Variants in ZBTB20 observed in about 807,000 individuals in gnomAD.
ZBTB20 encodes zinc finger and BTB domain containing 20.
A neutral mutation model predicts 56.9 loss-of-function variants in ZBTB20; 9 were observed. The observed-to-expected ratio is 0.16, with a 90% CI of 0.10 to 0.28. The LOEUF (loss-of-function observed/expected upper bound fraction) is 0.28. ZBTB20 is among the 10% of genes least tolerant of loss of function. The probability of loss-of-function intolerance (pLI) is 1.00; values close to 1 mark genes in which losing one functional copy is unlikely to be tolerated. For synonymous variants in ZBTB20, 417 were observed against 420.7 expected (o/e 0.99, Z 0.11); for missense variants, 655 against 1,003.0 (o/e 0.65, Z 4.69).
chr3:114,643,991 T>G (rs1347869988), intron 6 of ZBTB20, among the ~76,000 whole-genome samples: 1 of 152,018 alleles, frequency 6.6e-6, no homozygotes, highest in African/African-American at 2.4e-5. Context: ...CTTTAACTAT[T>G]TTTTGAGTGC....
chr3:114,361,434 A>C (rs192880458), intron 10 of ZBTB20, among the ~76,000 whole-genome samples: 1 of 152,216 alleles, frequency 6.6e-6, no homozygotes, highest in African/African-American at 2.4e-5. Context: ...TAAGACATTC[A>C]TTTTTGGCTT....
At chr3:114,743,268 T>C (rs1321354610) in intron 5 of ZBTB20, among the ~76,000 whole-genome samples, 1 of 152,066 alleles carries the variant, frequency 6.6e-6, no homozygotes, top group African/African-American at 2.4e-5. Flanking sequence ...CTCCTCTCCT[T>C]TCACAAATGC....
intron 7 of ZBTB20, among the ~76,000 whole-genome samples, chr3:114,450,091 A>G (rs2091510118): frequency 6.6e-6 from 1 of 152,204 alleles, no homozygotes; most frequent in Admixed American, 6.5e-5. Context: ...AAAGGTGTCC[A>G]GGTCTAAACT....
chr3:114,680,274 T>C (rs1286245708), intron 6 of ZBTB20, among the ~76,000 whole-genome samples: 1 of 152,172 alleles, frequency 6.6e-6, no homozygotes, highest in Non-Finnish European at 1.5e-5. Context: ...CCCCAGAACT[T>C]AAAGTATAAC....
At chr3:114,846,446 G>A (rs959703663) in intron 4 of ZBTB20, among the ~76,000 whole-genome samples, 1 of 152,200 alleles carries the variant, frequency 6.6e-6, no homozygotes, top group African/African-American at 2.4e-5. Flanking sequence ...AGGGAGAAAT[G>A]AGAGCTCTCC....
intron 8 of ZBTB20, among the ~76,000 whole-genome samples, chr3:114,384,110 C>CTT (rs2084753053): frequency 6.7e-6 from 1 of 150,096 alleles, no homozygotes. Context: ...TTCTCTCTCT[C>CTT]TCTCTCTCTC....
At chr3:115,081,956 G>GTTT (rs2082812352) in intron 1 of ZBTB20, among the ~76,000 whole-genome samples, 1 of 152,142 alleles carries the variant, frequency 6.6e-6, no homozygotes, top group African/African-American at 2.4e-5. Flanking sequence ...GGAACGTATA[G>GTTT]ATAGCATCTA....
At chr3:115,116,428 G>A (rs1351199461) in intron 1 of ZBTB20, among the ~76,000 whole-genome samples, 2 of 151,874 alleles carry the variant, frequency 1.3e-5, no homozygotes, top group African/African-American at 4.8e-5. Flanking sequence ...CTACAGTATG[G>A]GCTTTGGACT....
At chr3:114,966,660 T>C (rs1251276845) in intron 3 of ZBTB20, among the ~76,000 whole-genome samples, 1 of 152,024 alleles carries the variant, frequency 6.6e-6, no homozygotes, top group African/African-American at 2.4e-5. Context: ...TAAAATGGTA[T>C]GTCCAGTATA....
chr3:114,970,231 A>G (rs957735801), intron 3 of ZBTB20, among the ~76,000 whole-genome samples: 1 of 152,170 alleles, frequency 6.6e-6, no homozygotes, highest in Admixed American at 6.5e-5. Flanking sequence ...GAAATTCACT[A>G]ATTAGTTGTG....
chr3:114,426,443 T>C (rs1403538228), intron 7 of ZBTB20, among the ~76,000 whole-genome samples: 1 of 151,866 alleles, frequency 6.6e-6, no homozygotes, highest in Non-Finnish European at 1.5e-5. Flanking sequence ...TCCAGTGGCT[T>C]TCTACCCTAC....
chr3:114,722,588 G>T (rs2064990901), intron 5 of ZBTB20, among the ~76,000 whole-genome samples: 1 of 152,140 alleles, frequency 6.6e-6, no homozygotes, highest in Non-Finnish European at 1.5e-5. Context: ...CAGCCAGTGG[G>T]ATACATATTA....
At chr3:115,089,446 T>C (rs1158409820) in intron 1 of ZBTB20, among the ~76,000 whole-genome samples, 1 of 151,846 alleles carries the variant, frequency 6.6e-6, no homozygotes, top group Non-Finnish European at 1.5e-5. Flanking sequence ...CCATGAATTC[T>C]ACATCCAGCT....
intron 3 of ZBTB20, among the ~76,000 whole-genome samples, chr3:114,952,091 T>G (rs2077085312): frequency 6.6e-6 from 1 of 152,084 alleles, no homozygotes; most frequent in African/African-American, 2.4e-5. Flanking sequence ...AAGTCTAGCA[T>G]TCATGTCATT....
rs758365319 is a variant in ZBTB20, at chr3:114,323,494, T to C, written c.*15511A>G. The C allele has an allele frequency of 6.6e-6, 1 of 152,212 alleles. No homozygotes were observed. Among genetic ancestry groups the C allele is most frequent in the Non-Finnish European group, 1.5e-5 (1 of 68,058 alleles). The allele number at this position is 152,212 out of a possible 1,614,324, so 9.4% of individuals were successfully genotyped here. A position where few individuals can be genotyped will look rare whatever the true frequency, so the allele number is the denominator to read the frequency against. On this transcript the variant is annotated 3_prime_UTR_variant, in exon 12 of 12. Coordinates refer to ENST00000675478, the MANE Select transcript of ZBTB20 (RefSeq NM_001348800.3). ...TAATCAGGCTGAAAAGTAATTCCAA[T>C]ATGGACAAGGCTATGTGTTTTTGAA...
At chr3:114,883,321 C>T (rs1428736413) in intron 4 of ZBTB20, among the ~76,000 whole-genome samples, 1 of 152,048 alleles carries the variant, frequency 6.6e-6, no homozygotes, top group Non-Finnish European at 1.5e-5. Flanking sequence ...AAAGACCATC[C>T]CCATGCACAA....
At chr3:114,746,883 C>A (rs2067083696) in intron 5 of ZBTB20, among the ~76,000 whole-genome samples, 1 of 152,174 alleles carries the variant, frequency 6.6e-6, no homozygotes, top group Non-Finnish European at 1.5e-5. Context: ...ATATTTTTCA[C>A]AAACATGAAC....
intron 7 of ZBTB20, among the ~76,000 whole-genome samples, chr3:114,395,770 T>C (rs181850255): frequency 1.4e-4 from 21 of 152,316 alleles, no homozygotes; most frequent in African/African-American, 4.3e-4. Context: ...ACACCTCTGA[T>C]GGCTTGAAGA....
chr3:114,820,394 T>C (rs1035722583), intron 4 of ZBTB20, among the ~76,000 whole-genome samples: 3 of 151,980 alleles, frequency 2.0e-5, no homozygotes. Flanking sequence ...AACAAACACA[T>C]ATATATAAAC....
Sources: gnomAD v4.1 joint callset for allele counts (sites outside exome capture counted in the v4.1 genomes callset) on GRCh38, gnomAD v4.1.1 for gene constraint, MANE v1.5 for transcripts, NCBI Gene and HGNC (gene_info 2026-07-23, HGNC 2026-07-21) for gene names.